The following PDGFC variants were observed in gnomAD, a reference collection of about 807,000 sequenced individuals.
PDGFC encodes platelet-derived growth factor C.
A neutral mutation model predicts 35.5 loss-of-function variants in PDGFC; 12 were observed. That is an observed-to-expected ratio of 0.34 (90% CI 0.22 to 0.55). PDGFC has a LOEUF of 0.55. PDGFC is among the 20% of genes least tolerant of loss of function. PDGFC has a pLI of 0.91. For synonymous variants in PDGFC, 159 were observed against 148.8 expected, an observed-to-expected ratio of 1.07 and a Z score of -0.50; for missense variants, 322 against 412.4, an observed-to-expected ratio of 0.78 and a Z score of 1.90.
intron 1 of PDGFC, among the ~76,000 whole-genome samples, chr4:156,970,142 G>A (rs983800266): frequency 2.0e-5 from 3 of 152,130 alleles, no homozygotes; most frequent in East Asian, 1.9e-4. Context: ...GGATTAAGTC[G>A]TTTCCAGCAC....
rs141449914 is a variant in PDGFC, at chr4:156,890,040, A to G, written c.119-39624T>C. ...CAGCTCCTCTGAGTTAATACATGCTATCATCCAGGTTAATATGTATTAAAT... is the reference window on the plus strand; with the variant it reads ...CAGCTCCTCTGAGTTAATACATGCTGTCATCCAGGTTAATATGTATTAAAT... On this transcript the variant is annotated intron_variant, in intron 1 of 5. Coordinates refer to ENST00000502773, the MANE Select transcript of PDGFC (RefSeq NM_016205.3). Among the ~76,000 whole-genome samples, 4 of 151,954 alleles carry G rather than the reference A, an allele frequency of 2.6e-5. 1 individual carries two copies. Among genetic ancestry groups the G allele is most frequent in the Admixed American group, 2.6e-4 (4 of 15,258 alleles).
intron 1 of PDGFC, among the ~76,000 whole-genome samples, chr4:156,970,371 G>A (rs1342309446): frequency 1.3e-5 from 2 of 152,100 alleles, no homozygotes; most frequent in East Asian, 3.9e-4. Context: ...TTCAATTAAT[G>A]CGGCTGATAT....
chr4:156,863,569 G>A (rs1729767167), intron 1 of PDGFC, among the ~76,000 whole-genome samples: 1 of 152,032 alleles, frequency 6.6e-6, no homozygotes, highest in South Asian at 2.1e-4. Flanking sequence ...TCCAATAACA[G>A]TTTTACTGCT....
intron 2 of PDGFC, among the ~76,000 whole-genome samples, chr4:156,834,177 A>G (rs1729008733): frequency 6.6e-6 from 1 of 152,168 alleles, no homozygotes; most frequent in Non-Finnish European, 1.5e-5. Context: ...TCCTCATATT[A>G]CAGATCTTGA....
chr4:156,803,816 A>G (rs6536208), intron 3 of PDGFC, among the ~76,000 whole-genome samples: 68,380 of 152,036 alleles, frequency 0.45, 17,953 homozygotes, highest in African/African-American at 0.73. Context: ...TACTAACAGT[A>G]TCTAACATTG....
At chr4:156,873,162 T>G (rs1730027678) in intron 1 of PDGFC, among the ~76,000 whole-genome samples, 1 of 152,140 alleles carries the variant, frequency 6.6e-6, no homozygotes. Flanking sequence ...CATATATAAT[T>G]CTAAATGTAT....
chr4:156,866,877 G>T (rs1729856731), intron 1 of PDGFC, among the ~76,000 whole-genome samples: 1 of 152,036 alleles, frequency 6.6e-6, no homozygotes, highest in South Asian at 2.1e-4. Flanking sequence ...ATGGTAAAAT[G>T]GTATACAGTG....
intron 1 of PDGFC, among the ~76,000 whole-genome samples, chr4:156,962,482 G>A (rs779554437): frequency 2.0e-5 from 3 of 152,094 alleles, no homozygotes; most frequent in Admixed American, 1.3e-4. Context: ...AAAACTAATA[G>A]ACCATGAAGT....
chr4:156,937,494 G>A (rs527493741), intron 1 of PDGFC, among the ~76,000 whole-genome samples: 21 of 152,252 alleles, frequency 1.4e-4, no homozygotes, highest in Non-Finnish European at 2.6e-4. Flanking sequence ...GAGCCCAGGA[G>A]TTCAAGACCA....
chr4:156,815,994 T>G (rs1317501058), intron 2 of PDGFC, among the ~76,000 whole-genome samples: 1 of 152,156 alleles, frequency 6.6e-6, no homozygotes, highest in Non-Finnish European at 1.5e-5. Context: ...GTAGACAAAA[T>G]TTTCGTTCTC....
intron 4 of PDGFC, among the ~76,000 whole-genome samples, chr4:156,768,820 A>G (rs749617182): frequency 6.6e-6 from 1 of 152,054 alleles, no homozygotes; most frequent in Non-Finnish European, 1.5e-5. Flanking sequence ...ACCTAACAAA[A>G]TATTCTTTAT....
chr4:156,962,658 T>C (rs1478737326), intron 1 of PDGFC, among the ~76,000 whole-genome samples: 2 of 152,150 alleles, frequency 1.3e-5, no homozygotes, highest in Non-Finnish European at 2.9e-5. Context: ...ATTTAACTTA[T>C]GAAGGAAGAG....
chr4:156,806,913 C>T (rs1731784581), intron 3 of PDGFC, among the ~76,000 whole-genome samples: 1 of 151,894 alleles, frequency 6.6e-6, no homozygotes, highest in African/African-American at 2.4e-5. Flanking sequence ...GTGTTCTGGG[C>T]TCTCACCGTG....
At chr4:156,873,873 T>C (rs1379588382) in intron 1 of PDGFC, 1 of 152,160 alleles carries the variant, frequency 6.6e-6, no homozygotes, top group Non-Finnish European at 1.5e-5. Context: ...TAAATGACAG[T>C]CCTCTATACA....
chr4:156,932,783 T>G (rs1456435432), intron 1 of PDGFC, among the ~76,000 whole-genome samples: 4 of 148,776 alleles, frequency 2.7e-5, no homozygotes, highest in Non-Finnish European at 4.5e-5. Flanking sequence ...CATTAGGAGA[T>G]ATATCTAATG....
At chr4:156,961,804 G>A (rs1019154546) in intron 1 of PDGFC, among the ~76,000 whole-genome samples, 3 of 152,086 alleles carry the variant, frequency 2.0e-5, no homozygotes, top group African/African-American at 7.2e-5. Flanking sequence ...CCTTCACCCA[G>A]CCTCATTCTG....
intron 1 of PDGFC, among the ~76,000 whole-genome samples, chr4:156,877,835 T>C (rs74605169): frequency 9.2e-5 from 14 of 152,260 alleles, no homozygotes; most frequent in Admixed American, 8.5e-4. Flanking sequence ...CACATTTTTT[T>C]GCTTGGTTAA....
At chr4:156,951,089 A>G (rs560042053) in intron 1 of PDGFC, among the ~76,000 whole-genome samples, 15 of 151,884 alleles carry the variant, frequency 9.9e-5, no homozygotes, top group Non-Finnish European at 1.9e-4. Flanking sequence ...CATTCACTAA[A>G]CAAATAATGT....
At chr4:156,825,162 G>C (rs535365893) in intron 2 of PDGFC, among the ~76,000 whole-genome samples, 1 of 152,182 alleles carries the variant, frequency 6.6e-6, no homozygotes, top group African/African-American at 2.4e-5. Context: ...CAGGAAAAGG[G>C]TAGGCCCTCC....
Sources: allele counts gnomAD v4.1 joint callset (sites outside exome capture counted in the v4.1 genomes callset), GRCh38; gene constraint gnomAD v4.1.1; transcripts MANE v1.5; gene names NCBI Gene and HGNC (gene_info 2026-07-23, HGNC 2026-07-21).